Variants in PLBD2 observed in about 807,000 individuals in gnomAD.
PLBD2 encodes the protein phospholipase B domain containing 2.
A neutral mutation model predicts 68.3 loss-of-function variants in PLBD2; 51 were observed. That is an observed-to-expected ratio of 0.75 (90% CI 0.60 to 0.94). The LOEUF is 0.94. PLBD2 is among the 40% of genes least tolerant of loss of function. PLBD2 has a pLI of 0.00. For synonymous variants in PLBD2, 314 were observed against 339.3 expected, an observed-to-expected ratio of 0.93 and a Z score of 0.82; for missense variants, 729 against 792.2, an observed-to-expected ratio of 0.92 and a Z score of 0.96.
At chr12:113,375,415 G>T (rs1957431822) in intron 5 of PLBD2, among the ~76,000 whole-genome samples, 1 of 152,204 alleles carries the variant, frequency 6.6e-6, no homozygotes, top group South Asian at 2.1e-4. Flanking sequence ...GCCTCCCAAA[G>T]TGCTGTGATT....
chr12:113,373,156 T>G (rs759404580), intron 3 of PLBD2, among the ~76,000 whole-genome samples: 1 of 152,174 alleles, frequency 6.6e-6, no homozygotes, highest in African/African-American at 2.4e-5. Context: ...GTAAAGACAG[T>G]ATGAGAAAGA....
At chr12:113,382,830 G>GTTTTTT (rs1179441269) in intron 6 of PLBD2, among the ~76,000 whole-genome samples, 116 of 126,190 alleles carry the variant, frequency 9.2e-4, no homozygotes, top group African/African-American at 3.2e-3. Flanking sequence ...GGTGGTGGTG[G>GTTTTTT]TTTTTTGTGT....
intron 6 of PLBD2, among the ~76,000 whole-genome samples, chr12:113,381,523 C>T (rs937127545): frequency 4.6e-5 from 7 of 152,160 alleles, no homozygotes; most frequent in South Asian, 2.1e-4. Context: ...CCTGCGGGGA[C>T]GGGAGGGGTG....
In PLBD2 at chr12:113,372,570, G is replaced by C; in HGVS notation, c.385-79G>C. 1 of 1,498,728 alleles carries C rather than the reference G, an allele frequency of 6.7e-7. No homozygotes were observed. The highest frequency in any genetic ancestry group is 9.1e-7 in the Non-Finnish European group (1 of 1,099,422). The allele number at this position is 1,498,728 out of a possible 1,614,324, so 92.8% of individuals were successfully genotyped here. ...GCCACACCAGCAGCCTCCGCTCTGGGGCAGCCTGGGTGGGGGGCTCTCAGG... is the reference window on the plus strand; with the variant it reads ...GCCACACCAGCAGCCTCCGCTCTGGCGCAGCCTGGGTGGGGGGCTCTCAGG... On this transcript the variant is annotated intron_variant, in intron 2 of 11. Coordinates refer to ENST00000280800, the MANE Select transcript of PLBD2 (RefSeq NM_173542.4). This position sits in a 1 kb window ranked among gnomAD's most constrained non-coding sequence, Gnocchi z 4.2.
At chr12:113,380,198 G>T (rs952025869) in intron 5 of PLBD2, among the ~76,000 whole-genome samples, 1 of 151,886 alleles carries the variant, frequency 6.6e-6, no homozygotes, top group Non-Finnish European at 1.5e-5. Flanking sequence ...GTGCAGTGGC[G>T]CGATCTCGGC....
chr12:113,387,966 G>T, intron 11 of PLBD2, 60 bp downstream of exon 11: 1 of 1,589,036 alleles, frequency 6.3e-7, no homozygotes. Context: ...CACCAGCTTT[G>T]GGGAAGGGAC....
intron 1 of PLBD2, among the ~76,000 whole-genome samples, chr12:113,368,159 C>T (rs1210489552): frequency 6.6e-6 from 1 of 152,060 alleles, no homozygotes; most frequent in African/African-American, 2.4e-5. Context: ...CTTCAGGTAA[C>T]CTGCATATAT....
Position 113,384,270 on chromosome 12 carries a change from G to A in PLBD2, c.1118+5G>A. The A allele has an allele frequency of 1.2e-6, 2 of 1,606,704 alleles. No homozygotes were observed. The highest frequency in any genetic ancestry group is 2.2e-5 in the East Asian group (1 of 44,784). On this transcript the variant is annotated splice_donor_5th_base_variant and intron_variant, in intron 7 of 11. Coordinates refer to ENST00000280800, the MANE Select transcript of PLBD2 (RefSeq NM_173542.4). The surrounding 1 kb of genome is among the most constrained non-coding windows in gnomAD (Gnocchi z 4.2). ...CAAGAGGTTCAACAGCGGCACGTGAGTGGGCTTCTGGCCCTGTGGCTTCCC... is the reference window on the plus strand; with the variant it reads ...CAAGAGGTTCAACAGCGGCACGTGAATGGGCTTCTGGCCCTGTGGCTTCCC...
At position 113,385,813 on chromosome 12, in the gene PLBD2, CA is replaced by C. The variant is rs545826976; in HGVS notation, c.1286+532del. On this transcript the variant is annotated intron_variant, in intron 9 of 11. Transcript: ENST00000280800. Reference sequence around the variant, plus strand: ...TCACCCAGGCTGGAGTGCAATGGTGCAATCTCAGCTCACTGCAGCCTCCGCC... The same window carrying C: ...TCACCCAGGCTGGAGTGCAATGGTGCATCTCAGCTCACTGCAGCCTCCGCC... Among the ~76,000 whole-genome samples, 21 of 152,218 alleles carry C rather than the reference CA, an allele frequency of 1.4e-4. No individual in the cohort carries two copies. In the East Asian group the frequency reaches 4.1e-3, roughly 29 times the overall value.
chr12:113,371,456 C>T lies in PLBD2; in HGVS notation c.385-1193C>T, dbSNP rs868290627. Among the ~76,000 whole-genome samples, 13 of 152,352 alleles carry T rather than the reference C, an allele frequency of 8.5e-5. No individual in the cohort carries two copies. In the Middle Eastern group the frequency reaches 0.01, roughly 120 times the overall value. Reference sequence around the variant, plus strand: ...GTGGGACACCCTTTTATAAAACTCACACTGCTCCTTCTGACACCCAGTCGC... The same window carrying T: ...GTGGGACACCCTTTTATAAAACTCATACTGCTCCTTCTGACACCCAGTCGC... On this transcript the variant is annotated intron_variant, in intron 2 of 11. Coordinates refer to ENST00000280800, the MANE Select transcript of PLBD2 (RefSeq NM_173542.4).
In PLBD2 at chr12:113,382,403, G is replaced by A. The variant is rs113087040; in HGVS notation, c.957+1561G>A. On this transcript the variant is annotated intron_variant, in intron 6 of 11. Transcript: ENST00000280800. ...CGTCCCAGTGACTACTAATACCACT[G>A]TGGTGTGTCACGTTAACAGTGGAAA... Among the ~76,000 whole-genome samples the A allele has an allele frequency of 9.8e-3, 1,490 of 152,218 alleles. 26 individuals carry two copies. Among genetic ancestry groups the A allele is most frequent in the African/African-American group, 0.034 (1,406 of 41,524 alleles).
chr12:113,388,809 C>CT lies in PLBD2; in HGVS notation c.*184dup. 1 of 574,212 alleles carries CT rather than the reference C, an allele frequency of 1.7e-6. No individual in the cohort carries two copies. Among genetic ancestry groups the CT allele is most frequent in the South Asian group, 3.2e-5 (1 of 31,098 alleles). The allele number at this position is 574,212 out of a possible 1,614,324, so 35.6% of individuals were successfully genotyped here. A position where few individuals can be genotyped will look rare whatever the true frequency, so the allele number is the denominator to read the frequency against. On this transcript the variant is annotated 3_prime_UTR_variant, in exon 12 of 12. Transcript: ENST00000280800. The stretch of plus-strand genomic sequence containing the variant: ...ATGGGGCTCAGAACTGACCCCCTCT[C>CT]TCCCCCGAGGTGGGTGGGCACCGTG...
At chr12:113,386,048 G>T (rs1283978797) in intron 9 of PLBD2, among the ~76,000 whole-genome samples, 1 of 152,208 alleles carries the variant, frequency 6.6e-6, no homozygotes, top group Non-Finnish European at 1.5e-5. Context: ...ACCACACCCG[G>T]ACTGAAGGCA....
Position 113,374,574 on chromosome 12 carries a change from TGTAA to T in PLBD2, c.644+3_644+6del. ...TTCACCATCAAACCCTTGGGGTTCC[TGTAA>T]GTGCCACCCCCAGAGTGAACAGGGT... is the stretch of plus-strand genomic sequence containing the variant. On this transcript the variant is annotated splice_donor_variant and splice_donor_region_variant and intron_variant, in intron 4 of 11. Transcript: ENST00000280800. 6.3e-7 allele frequency: 1 copy of T among 1,592,452 alleles called. No homozygotes were observed. Among genetic ancestry groups the T allele is most frequent in the Non-Finnish European group, 8.6e-7 (1 of 1,169,042 alleles).
At chr12:113,378,372 T>G (rs984375506) in intron 5 of PLBD2, among the ~76,000 whole-genome samples, 1 of 152,156 alleles carries the variant, frequency 6.6e-6, no homozygotes, top group Non-Finnish European at 1.5e-5. Flanking sequence ...TTATACAGAA[T>G]AGTTTCACTG....
intron 1 of PLBD2, among the ~76,000 whole-genome samples, chr12:113,366,345 A>C (rs1957341917): frequency 1.3e-5 from 2 of 151,728 alleles, no homozygotes; most frequent in South Asian, 4.2e-4. Flanking sequence ...GACATGAGTG[A>C]ATATTTTTGT....
In PLBD2 at chr12:113,384,053, C is replaced by A; in HGVS notation, c.958-52C>A. 7.0e-7 allele frequency: 1 copy of A among 1,421,446 alleles called. No homozygotes were observed. Among genetic ancestry groups the A allele is most frequent in the Non-Finnish European group, 9.4e-7 (1 of 1,068,686 alleles). 88.1% of individuals were successfully genotyped at this position (1,421,446 alleles called of 1,614,324 possible). A position where few individuals can be genotyped will look rare whatever the true frequency, so the allele number is the denominator to read the frequency against. ...AGCCATGACTGATGAAGTACTGCCA[C>A]TTGGTGGCAGCATGCCTAGGCTGTG... is the stretch of plus-strand genomic sequence containing the variant. On this transcript the variant is annotated intron_variant, in intron 6 of 11. Transcript: ENST00000280800. The surrounding 1 kb of genome is among the most constrained non-coding windows in gnomAD (Gnocchi z 4.2).
intron 5 of PLBD2, among the ~76,000 whole-genome samples, chr12:113,379,307 C>CAAAAAAAA (rs759130410): frequency 2.2e-5 from 1 of 46,472 alleles, no homozygotes; most frequent in African/African-American, 7.3e-5. Context: ...GACTCTGTCT[C>CAAAAAAAA]AAAAAAAAAA....
rs932120479 is a variant in PLBD2 at position 113,372,947 on chromosome 12, C to A, written c.543+140C>A. The A allele has an allele frequency of 8.7e-6, 8 of 924,094 alleles. No individual in the cohort carries two copies. The highest frequency in any genetic ancestry group is 1.1e-5 in the Non-Finnish European group (7 of 628,852). The allele number at this position is 924,094 out of a possible 1,614,324, so 57.2% of individuals were successfully genotyped here. On this transcript the variant is annotated intron_variant, in intron 3 of 11. Coordinates refer to ENST00000280800, the MANE Select transcript of PLBD2 (RefSeq NM_173542.4). This position sits in a 1 kb window ranked among gnomAD's most constrained non-coding sequence, Gnocchi z 4.2. The stretch of plus-strand genomic sequence containing the variant: ...CATCATCATCTCCATCCCTCCTAGC[C>A]GACCTGCCACTCATCCATCTGCCCA...
Sources: gnomAD v4.1 joint callset for allele counts (sites outside exome capture counted in the v4.1 genomes callset) on GRCh38, gnomAD v4.1.1 for gene constraint, Gnocchi (gnomAD v3.1) non-coding constraint, MANE v1.5 for transcripts, NCBI Gene and HGNC (gene_info 2026-07-23, HGNC 2026-07-21) for gene names.